Variants in EIF2AK3 observed in about 807,000 individuals in gnomAD.
EIF2AK3 encodes the protein eukaryotic translation initiation factor 2 alpha kinase 3, also known as eukaryotic translation initiation factor 2-alpha kinase 3.
EIF2AK3 carries 50 observed loss-of-function variants against 113.5 expected under a neutral mutation model. The ratio of observed to expected loss-of-function variants is 0.44; its 90% CI spans 0.35 to 0.56. EIF2AK3 has a LOEUF of 0.56. Among genes scored for constraint, EIF2AK3 ranks in the 20% least tolerant of loss-of-function variants. The pLI, the probability that EIF2AK3 is intolerant of heterozygous loss-of-function variation, is 0.00. For synonymous variants in EIF2AK3, 448 were observed against 495.4 expected, an observed-to-expected ratio of 0.90 and a Z score of 1.27; for missense variants, 1,185 against 1,378.0, an observed-to-expected ratio of 0.86 and a Z score of 2.22.
At chr2:88,617,066 A>G (rs1675605485) in intron 1 of EIF2AK3, among the ~76,000 whole-genome samples, 1 of 152,214 alleles carries the variant, frequency 6.6e-6, no homozygotes, top group African/African-American at 2.4e-5. Flanking sequence ...ACTATACCTA[A>G]TCACAGTCTA....
intron 10 of EIF2AK3, 68 bp downstream of exon 10, chr2:88,583,362 A>G (rs1674642441): frequency 1.6e-6 from 2 of 1,256,810 alleles, no homozygotes; most frequent in Non-Finnish European, 2.3e-6. Context: ...ACATTAAAAA[A>G]AAAGTTAAAC....
chr2:88,557,072 T>G lies in EIF2AK3; in HGVS notation c.*664A>C, dbSNP rs1176610725. ...ACTACGGCTTTTTTCCTCCCAAAAC[T>G]AGACCTTTCAACCAATTTACATAAA... On this transcript the variant is annotated 3_prime_UTR_variant, in exon 17 of 17. Coordinates refer to ENST00000303236, the MANE Select transcript of EIF2AK3 (RefSeq NM_004836.7). The G allele has an allele frequency of 6.6e-6, 1 of 152,654 alleles. No homozygotes were observed. The highest frequency in any genetic ancestry group is 2.4e-5 in the African/African-American group (1 of 41,452). 9.5% of individuals were successfully genotyped at this position (152,654 alleles called of 1,614,324 possible). A position where few individuals can be genotyped will look rare whatever the true frequency, so the allele number is the denominator to read the frequency against.
chr2:88,601,143 G>A (rs939185687), intron 2 of EIF2AK3, among the ~76,000 whole-genome samples: 1 of 152,110 alleles, frequency 6.6e-6, no homozygotes, highest in African/African-American at 2.4e-5. Flanking sequence ...GGAATTCCAA[G>A]TCTACATATT....
chr2:88,605,607 T>C (rs1675250720), intron 2 of EIF2AK3, among the ~76,000 whole-genome samples: 1 of 152,180 alleles, frequency 6.6e-6, no homozygotes, highest in Admixed American at 6.5e-5. Flanking sequence ...TATTAATCAA[T>C]AAAGACAATC....
chr2:88,593,911 A>C (rs1674946305), intron 3 of EIF2AK3: 4 of 995,938 alleles, frequency 4.0e-6, no homozygotes, highest in Non-Finnish European at 4.8e-6. Context: ...CGAAAAGCAT[A>C]CCTTCTACAA....
At chr2:88,605,575 C>G (rs1038515003) in intron 2 of EIF2AK3, among the ~76,000 whole-genome samples, 5 of 152,100 alleles carry the variant, frequency 3.3e-5, no homozygotes, top group African/African-American at 1.2e-4. Flanking sequence ...AACATAAAAA[C>G]TCTAACGGAT....
intron 14 of EIF2AK3, among the ~76,000 whole-genome samples, chr2:88,565,038 G>GTT (rs778449349): frequency 1.2e-4 from 17 of 140,060 alleles, no homozygotes; most frequent in East Asian, 4.1e-4. Flanking sequence ...TTAAAAAGGT[G>GTT]TTTTTTTTTT....
At chr2:88,603,085 G>A (rs1675193417) in intron 2 of EIF2AK3, among the ~76,000 whole-genome samples, 1 of 152,116 alleles carries the variant, frequency 6.6e-6, no homozygotes, top group African/African-American at 2.4e-5. Flanking sequence ...TGCAAACCAA[G>A]GTGATGGGGC....
chr2:88,607,442 A>T (rs571194124), intron 2 of EIF2AK3, among the ~76,000 whole-genome samples: 2 of 152,330 alleles, frequency 1.3e-5, no homozygotes, highest in Admixed American at 6.5e-5. Flanking sequence ...TAGGTGCATT[A>T]TTTATTCTAA....
intron 15 of EIF2AK3, 110 bp downstream of exon 15, chr2:88,562,179 G>T (rs1221295619): frequency 1.2e-6 from 1 of 837,266 alleles, no homozygotes; most frequent in Admixed American, 2.1e-5. Flanking sequence ...TTCACTTTTA[G>T]TTAACCAATC....
At position 88,588,019 on chromosome 2, in the gene EIF2AK3, A is replaced by G; in HGVS notation, c.1392T>C (p.Tyr464=). The stretch of plus-strand genomic sequence containing the variant: ...GCAAGATTGAAAGTGCACCATTACT[A>G]TATTCTTCATGAGAAAACTTATCAT... ...LSNDKFSHEE[Y]SNGALSILQY... is the part of the protein sequence containing the mutation. The change falls in exon 8 of 17, where the codon TAT becomes TAC. Residue 464 remains tyrosine (Y), a synonymous_variant. Coordinates refer to ENST00000303236, the MANE Select transcript of EIF2AK3 (RefSeq NM_004836.7). 9 of 1,589,178 alleles carry G rather than the reference A, an allele frequency of 5.7e-6. No individual in the cohort carries two copies. Among genetic ancestry groups the G allele is most frequent in the Middle Eastern group, 1.8e-4 (1 of 5,534 alleles).
intron 2 of EIF2AK3, among the ~76,000 whole-genome samples, chr2:88,603,752 T>C (rs887949506): frequency 6.6e-5 from 10 of 152,184 alleles, no homozygotes; most frequent in African/African-American, 9.7e-5. Context: ...TTCAAGGTGA[T>C]TGATCTTCTC....
chr2:88,575,465 C>G lies in EIF2AK3; in HGVS notation c.2037-19G>C, dbSNP rs1282452652. 1 of 1,602,082 alleles carries G rather than the reference C, an allele frequency of 6.2e-7. No individual in the cohort carries two copies. The highest frequency in any genetic ancestry group is 1.7e-5 in the Admixed American group (1 of 60,006). On this transcript the variant is annotated intron_variant, in intron 12 of 16. Coordinates refer to ENST00000303236, the MANE Select transcript of EIF2AK3 (RefSeq NM_004836.7). ...GTCTGTGCTAAAAGTGGGAGAAATACAAAGGGGTAAGAGTGAATATATATT... is the reference window on the plus strand; with the variant it reads ...GTCTGTGCTAAAAGTGGGAGAAATAGAAAGGGGTAAGAGTGAATATATATT...
intron 1 of EIF2AK3, 60 bp from the exon 2 acceptor site, chr2:88,613,913 C>A: frequency 6.7e-7 from 1 of 1,499,862 alleles, no homozygotes; most frequent in Middle Eastern, 2.0e-4. Flanking sequence ...GGCACTTATC[C>A]CACATGCTCA....
At chr2:88,595,987 CAAGT>C in intron 2 of EIF2AK3, 4 of 392,246 alleles carry the variant, frequency 1.0e-5, no homozygotes, top group South Asian at 1.0e-4. Flanking sequence ...GTTTTATGAT[CAAGT>C]GAGTTCAAGA....
intron 14 of EIF2AK3, among the ~76,000 whole-genome samples, chr2:88,565,543 T>A (rs1674094001): frequency 6.6e-6 from 1 of 151,850 alleles, no homozygotes; most frequent in South Asian, 2.1e-4. Context: ...GGTTTCGCCA[T>A]GTTGCCCAGG....
chr2:88,584,414 G>C (rs941641740), intron 9 of EIF2AK3, among the ~76,000 whole-genome samples: 2 of 151,478 alleles, frequency 1.3e-5, no homozygotes, highest in African/African-American at 4.9e-5. Context: ...CTACTCGGGA[G>C]GCTGAAGAAC....
intron 13 of EIF2AK3, among the ~76,000 whole-genome samples, chr2:88,571,550 T>C (rs1674308752): frequency 6.6e-6 from 1 of 152,076 alleles, no homozygotes; most frequent in African/African-American, 2.4e-5. Flanking sequence ...GTTAAACAAA[T>C]TGCCCAAGGT....
chr2:88,558,758 T>G (rs935577410), intron 16 of EIF2AK3, among the ~76,000 whole-genome samples, 159 bp downstream of exon 16: 1 of 152,216 alleles, frequency 6.6e-6, no homozygotes, highest in African/African-American at 2.4e-5. Flanking sequence ...CTCCAGTGTT[T>G]GGTTTTAACA....
Sources: allele counts gnomAD v4.1 joint callset (sites outside exome capture counted in the v4.1 genomes callset), GRCh38; gene constraint gnomAD v4.1.1; transcripts MANE v1.5; gene names NCBI Gene and HGNC (gene_info 2026-07-23, HGNC 2026-07-21).